PLCG2: variants seen among roughly 807,000 people sequenced by gnomAD.
PLCG2 encodes phospholipase C gamma 2, also known as 1-phosphatidylinositol 4,5-bisphosphate phosphodiesterase gamma-2.
A neutral mutation model predicts 175.6 loss-of-function variants in PLCG2; 69 were observed. The observed-to-expected ratio is 0.39, with a 90% CI of 0.32 to 0.48. The LOEUF is 0.48. Among genes scored for constraint, PLCG2 ranks in the 20% least tolerant of loss-of-function variants. The pLI is 0.91. For missense variants in PLCG2, 1,798 were observed against 1,650.9 expected, an observed-to-expected ratio of 1.09 and a Z score of -1.54; for synonymous variants, 827 against 624.0, an observed-to-expected ratio of 1.33 and a Z score of -4.85.
At chr16:81,940,179 C>A (rs564674530) in intron 30 of PLCG2, 120 bp downstream of exon 30, 3 of 860,678 alleles carry the variant, frequency 3.5e-6, no homozygotes, top group Non-Finnish European at 5.4e-6. Flanking sequence ...ACTGTAAAAC[C>A]GATTGGGTGG....
At position 81,883,310 on chromosome 16, in the gene PLCG2, A is replaced by T. The variant is rs779818058; in HGVS notation, c.734A>T (p.Asp245Val). The change falls in exon 9 of 33, where the codon GAC becomes GTC. Residue 245 changes from aspartate to valine, a missense_variant. By Grantham distance (152) the Asp-to-Val change is radical (BLOSUM62 -3). Transcript: ENST00000564138. ...GATGCCTCTGCTGTTTACCTGCATG[A>T]CTTCCAGAGGTTTCTCATACATGAA... ...RPDASAVYLH[D>V]FQRFLIHEQQ... 3.7e-6 allele frequency: 6 copies of T among 1,613,994 alleles called. No individual in the cohort carries two copies. Among genetic ancestry groups the T allele is most frequent in the Non-Finnish European group, 1.7e-6 (2 of 1,180,026 alleles).
chr16:81,864,553 A>G (rs777900077), intron 5 of PLCG2, among the ~76,000 whole-genome samples: 3 of 152,200 alleles, frequency 2.0e-5, no homozygotes, highest in Admixed American at 6.5e-5. Context: ...TGTGGGCCTC[A>G]GTTTCCTCAT....
At chr16:81,902,973 A>G (rs970270904) in intron 14 of PLCG2, among the ~76,000 whole-genome samples, 3 of 152,166 alleles carry the variant, frequency 2.0e-5, no homozygotes, top group East Asian at 1.9e-4. Flanking sequence ...CCATGATTCA[A>G]TTACCTCCCA....
intron 21 of PLCG2, among the ~76,000 whole-genome samples, chr16:81,923,256 A>C (rs976890841): frequency 2.6e-5 from 4 of 151,782 alleles, no homozygotes; most frequent in African/African-American, 9.7e-5. Context: ...CTTAACCCCA[A>C]CCCAGGTACC....
At chr16:81,925,750 T>C (rs1283349698) in intron 22 of PLCG2, among the ~76,000 whole-genome samples, 2 of 152,170 alleles carry the variant, frequency 1.3e-5, no homozygotes, top group East Asian at 1.9e-4. Flanking sequence ...TAGCCAGGCA[T>C]GGTGGCCCAT....
intron 17 of PLCG2, 71 bp from the exon 18 acceptor site, chr16:81,910,449 C>A: frequency 7.2e-7 from 1 of 1,389,992 alleles, no homozygotes; most frequent in South Asian, 1.2e-5. Flanking sequence ...ATGTCCCCGC[C>A]TCTGAGGCCC....
chr16:81,927,272 A>T, intron 23 of PLCG2, 94 bp downstream of exon 23: 1 of 822,234 alleles, frequency 1.2e-6, no homozygotes, highest in South Asian at 1.4e-5. Flanking sequence ...GAATTTTTCC[A>T]TGTGCTGCTT....
At chr16:81,883,756 G>A (rs1908210666) in intron 9 of PLCG2, among the ~76,000 whole-genome samples, 1 of 152,206 alleles carries the variant, frequency 6.6e-6, no homozygotes, top group South Asian at 2.1e-4. Context: ...CATCAAGCCT[G>A]CCAGGTCCCC....
intron 17 of PLCG2, among the ~76,000 whole-genome samples, chr16:81,909,116 T>C (rs1227743778): frequency 6.6e-6 from 1 of 152,260 alleles, no homozygotes; most frequent in East Asian, 1.9e-4. Context: ...GGGCGTGCCC[T>C]GTGCTAGACA....
intron 9 of PLCG2, among the ~76,000 whole-genome samples, chr16:81,888,825 A>G (rs1908496079): frequency 6.6e-6 from 1 of 152,188 alleles, no homozygotes; most frequent in African/African-American, 2.4e-5. Context: ...ATAGCTGACC[A>G]CTTGTTTTTA....
In PLCG2 at chr16:81,807,477, C is replaced by G. The variant is rs578077918; in HGVS notation, c.193+21295C>G. ...CAGGAAGCCCATCAAGCCCCCACATCGTCATCATTGTCATCACTGTCACTA... is the reference window on the plus strand; with the variant it reads ...CAGGAAGCCCATCAAGCCCCCACATGGTCATCATTGTCATCACTGTCACTA... On this transcript the variant is annotated intron_variant, in intron 2 of 32. Coordinates refer to ENST00000564138, the MANE Select transcript of PLCG2 (RefSeq NM_002661.5). Among the ~76,000 whole-genome samples the G allele has an allele frequency of 2.0e-5, 3 of 152,326 alleles. No homozygotes were observed. The East Asian group carries it at 5.8e-4, about 29-fold the overall frequency.
intron 2 of PLCG2, among the ~76,000 whole-genome samples, chr16:81,762,655 G>C (rs1910065769): frequency 6.6e-6 from 1 of 152,148 alleles, no homozygotes; most frequent in Admixed American, 6.6e-5. Context: ...TCATTAGGTT[G>C]AGGGGAGAGT....
At chr16:81,821,386 A>C (rs1015246090) in intron 2 of PLCG2, among the ~76,000 whole-genome samples, 1 of 152,216 alleles carries the variant, frequency 6.6e-6, no homozygotes, top group Non-Finnish European at 1.5e-5. Context: ...GGGGCTCTTG[A>C]ATAATATGAG....
chr16:81,859,740 G>T (rs1274084253), intron 5 of PLCG2, among the ~76,000 whole-genome samples: 3 of 152,084 alleles, frequency 2.0e-5, no homozygotes, highest in Non-Finnish European at 2.9e-5. Flanking sequence ...GTTTCACCAT[G>T]TTCGGCAGGA....
At chr16:81,922,745 A>T (rs555315724) in intron 21 of PLCG2, among the ~76,000 whole-genome samples, 1 of 152,338 alleles carries the variant, frequency 6.6e-6, no homozygotes, top group African/African-American at 2.4e-5. Flanking sequence ...CTGCTCATTT[A>T]AACAGGTTTG....
chr16:81,811,536 C>A (rs1167529560), intron 2 of PLCG2, among the ~76,000 whole-genome samples: 1 of 152,002 alleles, frequency 6.6e-6, no homozygotes, highest in South Asian at 2.1e-4. Context: ...CAACCCCTAA[C>A]AGGCCCCAGT....
intron 24 of PLCG2, among the ~76,000 whole-genome samples, chr16:81,930,177 A>G (rs990718997): frequency 6.6e-6 from 1 of 152,158 alleles, no homozygotes; most frequent in African/African-American, 2.4e-5. Flanking sequence ...AAATTAAAAA[A>G]ATAAAATAAA....
intron 11 of PLCG2, 26 bp downstream of exon 11, chr16:81,891,616 G>T (rs1281491369): frequency 3.8e-6 from 5 of 1,315,334 alleles, no homozygotes; most frequent in Non-Finnish European, 5.5e-6. Flanking sequence ...GCCTGTGATG[G>T]GTTGGGCAGC....
At position 81,877,220 on chromosome 16, in the gene PLCG2, C is replaced by T. The variant is rs546643838; in HGVS notation, c.649-3690C>T. Among the ~76,000 whole-genome samples the T allele has an allele frequency of 3.3e-5, 5 of 152,308 alleles. No homozygotes were observed. In the South Asian group the frequency reaches 1.0e-3, roughly 32 times the overall value. On this transcript the variant is annotated intron_variant, in intron 7 of 32. Coordinates refer to ENST00000564138, the MANE Select transcript of PLCG2 (RefSeq NM_002661.5). ...CTGTAATCCCAGCACTTTGGGAGGCCAAGGCGGGCGGATCGCGAGGTCAGG... is the reference window on the plus strand; with the variant it reads ...CTGTAATCCCAGCACTTTGGGAGGCTAAGGCGGGCGGATCGCGAGGTCAGG...
Sources: gnomAD v4.1 joint callset for allele counts (sites outside exome capture counted in the v4.1 genomes callset) on GRCh38, gnomAD v4.1.1 for gene constraint, MANE v1.5 for transcripts, NCBI Gene and HGNC (gene_info 2026-07-23, HGNC 2026-07-21) for gene names.